The following P4HA2 variants were observed in gnomAD, a reference collection of about 807,000 sequenced individuals.
P4HA2 encodes prolyl 4-hydroxylase subunit alpha-2.
In P4HA2, 46 loss-of-function variants were observed where a neutral mutation model predicts 76.9. The observed-to-expected ratio is 0.60, with a 90% CI of 0.47 to 0.76. The LOEUF (loss-of-function observed/expected upper bound fraction) is 0.76. Ranked by LOEUF, P4HA2 falls within the 30% of genes least tolerant of loss-of-function variation. P4HA2 has a pLI of 0.00. For missense variants in P4HA2, 583 were observed against 669.4 expected (o/e 0.87, Z 1.42); for synonymous variants, 243 against 254.0 (o/e 0.96, Z 0.41).
At chr5:132,225,790 G>C (rs140276205) in intron 1 of P4HA2, among the ~76,000 whole-genome samples, 2 of 152,164 alleles carry the variant, frequency 1.3e-5, no homozygotes, top group African/African-American at 2.4e-5. Flanking sequence ...CAGAGCTTTC[G>C]ACAGGATACA....
At chr5:132,200,538 TTC>T (rs1751345490) in intron 10 of P4HA2, 1 of 152,732 alleles carries the variant, frequency 6.5e-6, no homozygotes, top group Non-Finnish European at 1.5e-5. Context: ...GAAAATTTTT[TTC>T]TCTCTCCTTT....
In P4HA2 at chr5:132,192,324, T is replaced by G. The variant is rs1305969126; in HGVS notation, c.*686A>C. On this transcript the variant is annotated 3_prime_UTR_variant, in exon 15 of 15. Transcript: ENST00000360568. ...CTGTGTATCATGAACAATTCTTATC[T>G]CAAAATTTAAAAATGAAGTACACAT... 6.6e-6 allele frequency: 1 copy of G among 152,182 alleles called. No individual in the cohort carries two copies. The highest frequency in any genetic ancestry group is 1.5e-5 in the Non-Finnish European group (1 of 68,028). The allele number at this position is 152,182 out of a possible 1,614,324, so 9.4% of individuals were successfully genotyped here.
rs1458968997 is a variant in P4HA2, at chr5:132,210,444, A to G, written c.549T>C (p.Tyr183=). The G allele has an allele frequency of 4.3e-6, 7 of 1,614,140 alleles. No individual in the cohort carries two copies. The highest frequency in any genetic ancestry group is 5.9e-6 in the Non-Finnish European group (7 of 1,180,004). ...GRSAYNEGDY[Y]HTVLWMEQVL... is the part of the protein sequence containing the mutation. Reference sequence around the variant, plus strand: ...CCTGCTCCATCCACAACACCGTATGATAATAGTCCCCTTCATTGTAGGCCG... The same window carrying G: ...CCTGCTCCATCCACAACACCGTATGGTAATAGTCCCCTTCATTGTAGGCCG... The change falls in exon 6 of 15, where the codon TAT becomes TAC. Residue 183 remains tyrosine (Y), a synonymous_variant. Coordinates refer to ENST00000360568, the MANE Select transcript of P4HA2 (RefSeq NM_001017974.2).
chr5:132,226,080 CCA>C (rs1399049593), intron 1 of P4HA2, among the ~76,000 whole-genome samples: 1 of 152,158 alleles, frequency 6.6e-6, no homozygotes, highest in Non-Finnish European at 1.5e-5. Flanking sequence ...AGGCCCAGAA[CCA>C]CAGTGAGAGG....
intron 1 of P4HA2, among the ~76,000 whole-genome samples, chr5:132,223,453 G>T (rs1433172364): frequency 6.6e-6 from 1 of 152,098 alleles, no homozygotes; most frequent in Non-Finnish European, 1.5e-5. Context: ...AGTAGAGATG[G>T]GGTTTCACCA....
intron 5 of P4HA2, 117 bp from the exon 6 acceptor site, chr5:132,210,640 A>G (rs780706210): frequency 6.1e-6 from 6 of 989,276 alleles, no homozygotes; most frequent in Non-Finnish European, 9.5e-6. Flanking sequence ...GCAGAACTCC[A>G]TCGGACATTT....
intron 6 of P4HA2, 31 bp downstream of exon 6, chr5:132,210,253 C>T (rs1478270164): frequency 6.2e-7 from 1 of 1,612,780 alleles, no homozygotes; most frequent in Admixed American, 1.7e-5. Context: ...ACTCTCCATT[C>T]CCATCTTACC....
chr5:132,196,640 C>G (rs1029082550), intron 12 of P4HA2, among the ~76,000 whole-genome samples: 2 of 152,110 alleles, frequency 1.3e-5, no homozygotes, highest in African/African-American at 2.4e-5. Flanking sequence ...GCGGGTGGAT[C>G]ACTTGAGGTC....
chr5:132,191,425 T>C lies in P4HA2; in HGVS notation c.*1585A>G, dbSNP rs1408780178. ...TACTTGGGAGGCTGAGGCAGGAGAA[T>C]GGCGTGAACCCGGGAGGCGGAGCTT... On this transcript the variant is annotated 3_prime_UTR_variant, in exon 15 of 15. Transcript: ENST00000360568. Among the ~76,000 whole-genome samples, 7 of 142,320 alleles carry C rather than the reference T, an allele frequency of 4.9e-5. No homozygotes were observed. The highest frequency in any genetic ancestry group is 1.9e-4 in the African/African-American group (7 of 37,786). The allele number at this position is 142,320 out of a possible 152,430, so 93.4% of individuals were successfully genotyped here.
chr5:132,194,053 T>C (rs2126523810), intron 14 of P4HA2, among the ~76,000 whole-genome samples: 1 of 152,318 alleles, frequency 6.6e-6, no homozygotes, highest in Non-Finnish European at 1.5e-5. Context: ...ATGCTTATAG[T>C]TCTATTCCTT....
chr5:132,221,880 C>T (rs556764508), intron 1 of P4HA2, among the ~76,000 whole-genome samples: 29 of 152,212 alleles, frequency 1.9e-4, no homozygotes, highest in Non-Finnish European at 4.0e-4. Context: ...GTGATTCACC[C>T]ATCAGGCGAC....
chr5:132,217,239 A>G lies in P4HA2; in HGVS notation c.289T>C (p.Trp97Arg), dbSNP rs1409143537. The G allele has an allele frequency of 6.2e-7, 1 of 1,614,234 alleles. No individual in the cohort carries two copies. The highest frequency in any genetic ancestry group is 1.7e-5 in the Admixed American group (1 of 60,022). Residue 97 changes from tryptophan (W) to arginine (R), a missense_variant, in exon 4 of 15, where the codon TGG (tryptophan) becomes CGG (arginine). Trp to Arg is a moderately radical substitution (Grantham distance 101). Transcript: ENST00000360568. ...YKLVKRLNTD[W>R]PALEDLVLQD... is the part of the protein sequence containing the mutation. ...AGGACAAGGTCCTCCAGCGCAGGCCAGTCTGTGTTTAGCCGCTTCACCAGT... is the reference window on the plus strand; with the variant it reads ...AGGACAAGGTCCTCCAGCGCAGGCCGGTCTGTGTTTAGCCGCTTCACCAGT...
chr5:132,221,907 C>A (rs1754696472), intron 1 of P4HA2: 1 of 152,250 alleles, frequency 6.6e-6, no homozygotes, highest in African/African-American at 2.4e-5. Context: ...TGTTTCTAAA[C>A]ACAGGGCAAT....
At chr5:132,225,049 G>GA (rs371037185) in intron 1 of P4HA2, among the ~76,000 whole-genome samples, 26,609 of 116,508 alleles carry the variant, frequency 0.23, 3,551 homozygotes, top group East Asian at 0.4. Flanking sequence ...CTGCTCTGAG[G>GA]AAAAAAAAAA....
intron 6 of P4HA2, among the ~76,000 whole-genome samples, chr5:132,210,065 G>A (rs1054517894): frequency 2.6e-5 from 4 of 152,216 alleles, no homozygotes; most frequent in Admixed American, 6.5e-5. Flanking sequence ...AGGCCTGAGC[G>A]TATCTATCAG....
intron 8 of P4HA2, among the ~76,000 whole-genome samples, 160 bp from the exon 9 acceptor site, chr5:132,204,312 T>G (rs763244373): frequency 4.6e-5 from 7 of 152,210 alleles, no homozygotes; most frequent in Non-Finnish European, 8.8e-5. Context: ...TGCAGGCCAG[T>G]TGAGGGCAAG....
At chr5:132,205,064 C>T (rs1752015783) in intron 8 of P4HA2, among the ~76,000 whole-genome samples, 1 of 152,240 alleles carries the variant, frequency 6.6e-6, no homozygotes, top group Non-Finnish European at 1.5e-5. Context: ...CTACTTTGTG[C>T]CTGGCACTAT....
intron 12 of P4HA2, 105 bp downstream of exon 12, chr5:132,198,216 A>G (rs199736925): frequency 5.0e-6 from 8 of 1,614,180 alleles, no homozygotes; most frequent in Non-Finnish European, 6.8e-6. Flanking sequence ...GTAGTTTAAG[A>G]AAGTAGCCAC....
intron 12 of P4HA2, chr5:132,195,865 G>A (rs745762037): frequency 7.8e-6 from 2 of 255,660 alleles, no homozygotes; most frequent in African/African-American, 2.2e-5. Context: ...CAGGAGCTCT[G>A]TACTGTTTCC....
Sources: allele counts gnomAD v4.1 joint callset (sites outside exome capture counted in the v4.1 genomes callset), GRCh38; gene constraint gnomAD v4.1.1; transcripts MANE v1.5; gene names NCBI Gene and HGNC (gene_info 2026-07-23, HGNC 2026-07-21).